IMPA1: variants seen among roughly 807,000 people sequenced by gnomAD.
IMPA1 encodes the protein inositol monophosphatase 1.
A neutral mutation model predicts 34.9 loss-of-function variants in IMPA1; 21 were observed. The observed-to-expected ratio is 0.60, with a 90% CI of 0.43 to 0.87. The LOEUF (loss-of-function observed/expected upper bound fraction) is 0.87, where lower values mean the gene tolerates loss of function less well. IMPA1 is among the 40% of genes least tolerant of loss of function. The probability of loss-of-function intolerance (pLI) is 0.00; values close to 1 mark genes in which losing one functional copy is unlikely to be tolerated. For missense variants in IMPA1, 299 were observed against 336.4 expected (o/e 0.89, Z 0.87); for synonymous variants, 95 against 104.4 (o/e 0.91, Z 0.55).
chr8:81,665,058 A>G (rs980732048), intron 7 of IMPA1, among the ~76,000 whole-genome samples: 1 of 152,176 alleles, frequency 6.6e-6, no homozygotes, highest in Non-Finnish European at 1.5e-5. Context: ...TGATCACAAA[A>G]CGAAGTGAAA....
intron 1 of IMPA1, 131 bp from the exon 2 acceptor site, chr8:81,681,715 T>C: frequency 3.3e-6 from 2 of 602,818 alleles, no homozygotes; most frequent in East Asian, 2.8e-5. Context: ...CCAAGATTTA[T>C]GCCTATACCC....
At chr8:81,682,924 T>C (rs1009046096) in intron 1 of IMPA1, among the ~76,000 whole-genome samples, 1 of 152,176 alleles carries the variant, frequency 6.6e-6, no homozygotes, top group Non-Finnish European at 1.5e-5. Context: ...GTTCACACTT[T>C]CTAGGAGGGG....
At chr8:81,682,911 C>G (rs374527097) in intron 1 of IMPA1, among the ~76,000 whole-genome samples, 3 of 152,202 alleles carry the variant, frequency 2.0e-5, no homozygotes, top group Non-Finnish European at 1.5e-5. Flanking sequence ...AAAATCAGGT[C>G]CTGTTCACAC....
At chr8:81,668,382 G>A (rs1276808218) in intron 7 of IMPA1, among the ~76,000 whole-genome samples, 2 of 151,996 alleles carry the variant, frequency 1.3e-5, no homozygotes, top group Non-Finnish European at 2.9e-5. Context: ...CCCAGGAGTT[G>A]GAGATCAGCC....
At chr8:81,681,863 A>C (rs1807309464) in intron 1 of IMPA1, among the ~76,000 whole-genome samples, 1 of 152,228 alleles carries the variant, frequency 6.6e-6, no homozygotes, top group South Asian at 2.1e-4. Flanking sequence ...CGTTTGGAGA[A>C]TAGATAAGAA....
intron 4 of IMPA1, 133 bp downstream of exon 4, chr8:81,678,992 TA>T (rs1807213070): frequency 1.7e-6 from 1 of 591,304 alleles, no homozygotes; most frequent in Non-Finnish European, 3.0e-6. Context: ...ACATTTTATA[TA>T]TACTTTATTA....
intron 2 of IMPA1, among the ~76,000 whole-genome samples, chr8:81,681,289 G>A (rs954748179): frequency 2.6e-4 from 39 of 152,132 alleles, no homozygotes; most frequent in Admixed American, 7.2e-4. Flanking sequence ...AGCTACTCAG[G>A]AGGCTGAAGT....
intron 1 of IMPA1, among the ~76,000 whole-genome samples, chr8:81,685,265 ATAC>A (rs1010040828): frequency 3.4e-5 from 4 of 118,482 alleles, no homozygotes; most frequent in Non-Finnish European, 5.0e-5. Context: ...ATAAGTATAG[ATAC>A]TATATATAGT....
At chr8:81,678,793 G>A (rs955973906) in intron 4 of IMPA1, 2 of 225,588 alleles carry the variant, frequency 8.9e-6, no homozygotes, top group African/African-American at 4.6e-5. Context: ...ATAGAAAATG[G>A]CATGCAGTGC....
rs115832784 is a variant in IMPA1, at chr8:81,674,515, G to A, written c.349-566C>T. ...AGAGTATCAACAAACTTTCTTTGTT[G>A]CCTCAAATGCCTTGTCTGAAGAATT... On this transcript the variant is annotated intron_variant, in intron 5 of 8. Transcript: ENST00000256108. 4.9e-3 allele frequency: 1,189 copies of A among 244,212 alleles called. 9 individuals are homozygous for A. Among genetic ancestry groups the A allele is most frequent in the African/African-American group, 0.025 (1,087 of 43,228 alleles). The allele number at this position is 244,212 out of a possible 1,614,324, so 15.1% of individuals were successfully genotyped here.
At chr8:81,671,112 GA>G (rs1209153758) in intron 6 of IMPA1, 65 bp from the exon 7 acceptor site, 1 of 676,578 alleles carries the variant, frequency 1.5e-6, no homozygotes, top group Non-Finnish European at 2.4e-6. Flanking sequence ...TTGTAATTCA[GA>G]AGAGGGCATT....
rs77904594 is a variant in IMPA1, at chr8:81,660,413, C to T, written c.718+103G>A. On this transcript the variant is annotated intron_variant, in intron 8 of 8. Coordinates refer to ENST00000256108, the MANE Select transcript of IMPA1 (RefSeq NM_005536.4). The stretch of plus-strand genomic sequence containing the variant: ...ACAATTATATAGCTTGTTTCTGCTT[C>T]AAAAACTGCAGTATAACATATATCA... 5.4e-6 allele frequency: 5 copies of T among 925,678 alleles called. No individual in the cohort carries two copies. The East Asian group carries it at 1.2e-4, about 23-fold the overall frequency. The allele number at this position is 925,678 out of a possible 1,614,324, so 57.3% of individuals were successfully genotyped here.
chr8:81,672,392 G>T (rs1182950344), intron 6 of IMPA1, among the ~76,000 whole-genome samples: 1 of 152,202 alleles, frequency 6.6e-6, no homozygotes, highest in Non-Finnish European at 1.5e-5. Flanking sequence ...CACTCCCCTG[G>T]AGTTAAATAA....
At chr8:81,678,692 T>TAA (rs762409199) in intron 4 of IMPA1, 59 of 158,228 alleles carry the variant, frequency 3.7e-4, no homozygotes, top group South Asian at 1.7e-3. Flanking sequence ...AACTCCATCT[T>TAA]AAAAAAAAAA....
At chr8:81,664,069 A>C (rs1806752130) in intron 7 of IMPA1, among the ~76,000 whole-genome samples, 1 of 152,134 alleles carries the variant, frequency 6.6e-6, no homozygotes, top group Non-Finnish European at 1.5e-5. Flanking sequence ...ATAAAATAAT[A>C]TATAGCATTA....
Position 81,657,099 on chromosome 8 carries a change from C to T in IMPA1, c.*2252G>A, listed in dbSNP as rs1020192870. ...AAATATTATTAGATAATTCACTTGT[C>T]GATCATCCTTTTTCAGCATCTAAAG... On this transcript the variant is annotated 3_prime_UTR_variant, in exon 9 of 9. Transcript: ENST00000256108. Among the ~76,000 whole-genome samples, 1 of 152,064 alleles carries T rather than the reference C, an allele frequency of 6.6e-6. No individual in the cohort carries two copies. The highest frequency in any genetic ancestry group is 1.9e-4 in the East Asian group (1 of 5,194).
At chr8:81,672,820 C>A (rs1019814052) in intron 6 of IMPA1, among the ~76,000 whole-genome samples, 1 of 152,104 alleles carries the variant, frequency 6.6e-6, no homozygotes, top group South Asian at 2.1e-4. Context: ...CTTTAACGGG[C>A]TTTTTTTCCA....
intron 1 of IMPA1, among the ~76,000 whole-genome samples, chr8:81,681,968 G>A (rs544423646): frequency 6.6e-5 from 10 of 152,220 alleles, no homozygotes; most frequent in Non-Finnish European, 1.0e-4. Context: ...AATAAAAGAA[G>A]CTTGAAGGGA....
intron 7 of IMPA1, among the ~76,000 whole-genome samples, chr8:81,667,010 C>T (rs1806848231): frequency 6.7e-6 from 1 of 148,636 alleles, no homozygotes; most frequent in African/African-American, 2.5e-5. Context: ...TATGAATAAA[C>T]ATCAAATAAC....
Sources: allele counts gnomAD v4.1 joint callset (sites outside exome capture counted in the v4.1 genomes callset), GRCh38; gene constraint gnomAD v4.1.1; transcripts MANE v1.5; gene names NCBI Gene and HGNC (gene_info 2026-07-23, HGNC 2026-07-21).